The following IKZF3 variants were observed in gnomAD, a reference collection of about 807,000 sequenced individuals.
IKZF3 encodes IKAROS family zinc finger 3.
IKZF3 carries 10 observed loss-of-function variants against 49.0 expected under a neutral mutation model. The observed-to-expected ratio is 0.20, with a 90% CI of 0.13 to 0.35. IKZF3 has a LOEUF of 0.35. IKZF3 is among the 10% of genes least tolerant of loss of function. IKZF3 has a pLI of 1.00. For synonymous variants in IKZF3, 209 were observed against 228.2 expected (o/e 0.92, Z 0.76); for missense variants, 498 against 664.8 (o/e 0.75, Z 2.76).
At chr17:39,843,802 G>A (rs1256253280) in intron 1 of IKZF3, among the ~76,000 whole-genome samples, 6 of 143,612 alleles carry the variant, frequency 4.2e-5, no homozygotes, top group Admixed American at 1.4e-4. Context: ...GTGAGACTCC[G>A]TCTTTTAAAA....
intron 1 of IKZF3, chr17:39,835,983 C>T (rs1430213787): frequency 7.8e-6 from 5 of 638,156 alleles, no homozygotes; most frequent in African/African-American, 1.8e-5. Context: ...GTTGATGTAG[C>T]TCTTGGACAT....
intron 6 of IKZF3, among the ~76,000 whole-genome samples, chr17:39,781,769 T>A (rs2060747570): frequency 6.6e-6 from 1 of 152,246 alleles, no homozygotes; most frequent in African/African-American, 2.4e-5. Context: ...GGCAAACTTT[T>A]GAGATAACAT....
At chr17:39,796,061 A>G (rs2061155173) in intron 3 of IKZF3, among the ~76,000 whole-genome samples, 1 of 152,084 alleles carries the variant, frequency 6.6e-6, no homozygotes, top group Non-Finnish European at 1.5e-5. Flanking sequence ...AAAATAAAAT[A>G]AAATAAATTA....
At chr17:39,781,689 T>C (rs1162905183) in intron 6 of IKZF3, among the ~76,000 whole-genome samples, 2 of 152,320 alleles carry the variant, frequency 1.3e-5, no homozygotes, top group East Asian at 3.9e-4. Context: ...CAACATCCTC[T>C]ACATTTGGGA....
chr17:39,826,726 C>T (rs73985221), intron 3 of IKZF3, among the ~76,000 whole-genome samples: 6,144 of 152,202 alleles, frequency 0.04, 409 homozygotes, highest in African/African-American at 0.14. Context: ...TCACAGTGTG[C>T]GTGTTTGAGG....
intron 7 of IKZF3, among the ~76,000 whole-genome samples, chr17:39,768,675 G>A (rs1003551005): frequency 5.3e-5 from 8 of 152,336 alleles, no homozygotes; most frequent in African/African-American, 1.9e-4. Flanking sequence ...AAAGCACTTA[G>A]AACAGGGCCT....
chr17:39,783,006 C>A (rs1333178425), intron 6 of IKZF3, among the ~76,000 whole-genome samples: 1 of 152,206 alleles, frequency 6.6e-6, no homozygotes, highest in Non-Finnish European at 1.5e-5. Context: ...TTTTAGTTAA[C>A]TATTTCCATG....
At chr17:39,844,942 G>T (rs2062586187) in intron 1 of IKZF3, among the ~76,000 whole-genome samples, 1 of 152,108 alleles carries the variant, frequency 6.6e-6, no homozygotes, top group Admixed American at 6.5e-5. Flanking sequence ...AGCTCCATGA[G>T]AACAGTGATG....
At chr17:39,817,358 C>G (rs960357299) in intron 3 of IKZF3, among the ~76,000 whole-genome samples, 1 of 152,204 alleles carries the variant, frequency 6.6e-6, no homozygotes, top group African/African-American at 2.4e-5. Context: ...ATAGAATTCT[C>G]TAACATTTTA....
Position 39,766,005 on chromosome 17 carries a change from C to A in IKZF3, c.1315G>T (p.Val439Phe). Residue 439 changes from valine to phenylalanine, a missense_variant, in exon 8 of 8, where the codon GTC becomes TTC. Transcript: ENST00000346872. ...KPPPICPRDS[V>F]KVINKEGEVM... is the part of the protein sequence containing the mutation. ...TCCCCTTCCTTGTTGATCACTTTGA[C>A]GGAGTCTCTTGGGCAGATGGGCGGG... 6.2e-7 allele frequency: 1 copy of A among 1,614,220 alleles called. No homozygotes were observed. The highest frequency in any genetic ancestry group is 8.5e-7 in the Non-Finnish European group (1 of 1,180,038).
rs886274150 is a variant in IKZF3 at position 39,832,035 on chromosome 17, C to T, written c.61+63G>A. ...TTACTGCAACCAGAATAAGCACATTCCTCTCTCTTTGGTATTTTTTTTAGT... is the reference window on the plus strand; with the variant it reads ...TTACTGCAACCAGAATAAGCACATTTCTCTCTCTTTGGTATTTTTTTTAGT... On this transcript the variant is annotated intron_variant, in intron 2 of 7. Coordinates refer to ENST00000346872, the MANE Select transcript of IKZF3 (RefSeq NM_012481.5). 4.5e-5 allele frequency: 55 copies of T among 1,211,500 alleles called. No individual in the cohort carries two copies. In the South Asian group the frequency reaches 6.8e-4, roughly 15 times the overall value. The allele number at this position is 1,211,500 out of a possible 1,614,324, so 75.0% of individuals were successfully genotyped here. A position where few individuals can be genotyped will look rare whatever the true frequency, so the allele number is the denominator to read the frequency against.
At position 39,779,646 on chromosome 17, in the gene IKZF3, G is replaced by GTTT. The variant is rs138812490; in HGVS notation, c.710-1882_710-1880dup. Among the ~76,000 whole-genome samples the GTTT allele has an allele frequency of 5.7e-4, 67 of 117,770 alleles. 3 individuals carry two copies. The East Asian group carries it at 0.01, about 18-fold the overall frequency. 77.3% of individuals were successfully genotyped at this position (117,770 alleles called of 152,430 possible). ...ATATAGTCTCTATGTTATATTCTTT[G>GTTT]TTTTTTGTTTTTTTTTTTTCTGTTC... On this transcript the variant is annotated intron_variant, in intron 6 of 7. Coordinates refer to ENST00000346872, the MANE Select transcript of IKZF3 (RefSeq NM_012481.5).
Position 39,788,299 on chromosome 17 carries a change from C to G in IKZF3, c.668G>C (p.Arg223Pro). The G allele has an allele frequency of 6.2e-7, 1 of 1,613,802 alleles. No homozygotes were observed. The highest frequency in any genetic ancestry group is 8.5e-7 in the Non-Finnish European group (1 of 1,179,784). Residue 223 changes from arginine (R) to proline (P), a missense_variant, in exon 6 of 8, where the codon CGC (arginine) becomes CCC (proline). By Grantham distance (103) the Arg-to-Pro change is moderately radical. Transcript: ENST00000346872. Reference sequence around the variant, plus strand: ...AGTGCTCTGAAGAAATGTACGGCAGCGCTCCTTGTGCTCCTCAAGGGAACT... The same window carrying G: ...AGTGCTCTGAAGAAATGTACGGCAGGGCTCCTTGTGCTCCTCAAGGGAACT... ...QRSSLEEHKE[R>P]CRTFLQSTDP... is the part of the protein sequence containing the mutation.
intron 3 of IKZF3, among the ~76,000 whole-genome samples, chr17:39,805,985 G>A (rs1331618616): frequency 6.6e-6 from 1 of 152,064 alleles, no homozygotes; most frequent in African/African-American, 2.4e-5. Flanking sequence ...GGAACAATAT[G>A]GTATTTAACT....
At chr17:39,772,291 C>A (rs182083909) in intron 7 of IKZF3, among the ~76,000 whole-genome samples, 2 of 152,116 alleles carry the variant, frequency 1.3e-5, no homozygotes, top group Non-Finnish European at 2.9e-5. Flanking sequence ...GCAAAATGAT[C>A]GAACCTTTAG....
intron 6 of IKZF3, among the ~76,000 whole-genome samples, chr17:39,784,855 A>AT (rs2060835857): frequency 6.6e-6 from 1 of 152,212 alleles, no homozygotes; most frequent in African/African-American, 2.4e-5. Context: ...CAATACCTGC[A>AT]TTTTTTTGCA....
At chr17:39,835,266 G>T in intron 1 of IKZF3, 1 of 552,142 alleles carries the variant, frequency 1.8e-6, no homozygotes, top group Non-Finnish European at 3.5e-6. Context: ...AATGTCCAGG[G>T]CCAGCTTGAT....
intron 3 of IKZF3, among the ~76,000 whole-genome samples, chr17:39,817,214 T>C (rs1309163213): frequency 6.6e-6 from 1 of 152,196 alleles, no homozygotes; most frequent in Non-Finnish European, 1.5e-5. Context: ...ATGCACACGA[T>C]ATTTCATTTT....
At chr17:39,833,363 C>T (rs1467084893) in intron 1 of IKZF3, among the ~76,000 whole-genome samples, 5 of 152,118 alleles carry the variant, frequency 3.3e-5, no homozygotes, top group Non-Finnish European at 7.4e-5. Context: ...TATCAAGATA[C>T]AGAACATTAC....
Sources: allele counts gnomAD v4.1 joint callset (sites outside exome capture counted in the v4.1 genomes callset), GRCh38; gene constraint gnomAD v4.1.1; transcripts MANE v1.5; gene names NCBI Gene and HGNC (gene_info 2026-07-23, HGNC 2026-07-21).